Variants in AGO3 observed in about 807,000 individuals in gnomAD.
AGO3 encodes protein argonaute-3.
Under a neutral mutation model 105.5 loss-of-function variants are expected in AGO3, and 16 were observed. The ratio of observed to expected loss-of-function variants is 0.15; its 90% CI spans 0.10 to 0.23. AGO3 has a LOEUF of 0.23. AGO3 is among the 10% of genes least tolerant of loss of function. The pLI is 1.00. For missense variants in AGO3, 534 were observed against 1,088.0 expected, an observed-to-expected ratio of 0.49 and a Z score of 7.16; for synonymous variants, 340 against 367.3, an observed-to-expected ratio of 0.93 and a Z score of 0.85.
At chr1:36,029,968 C>T (rs1641692894) in intron 12 of AGO3, among the ~76,000 whole-genome samples, 1 of 151,998 alleles carries the variant, frequency 6.6e-6, no homozygotes, top group Non-Finnish European at 1.5e-5. Flanking sequence ...GCTGGGATTA[C>T]AGGCATGAGC....
intron 3 of AGO3, among the ~76,000 whole-genome samples, 158 bp from the exon 4 acceptor site, chr1:35,971,864 CTA>C (rs1398994439): frequency 4.0e-5 from 6 of 151,854 alleles, no homozygotes; most frequent in African/African-American, 1.4e-4. Context: ...GCACGAGTAA[CTA>C]TGTTATTTAA....
At position 36,026,361 on chromosome 1, in the gene AGO3, G is replaced by T. The variant is rs554150706; in HGVS notation, c.1407-753G>T. 1.4e-3 allele frequency among the ~76,000 whole-genome samples: 218 copies of T among 152,228 alleles called. 1 individual carries two copies. Among genetic ancestry groups the T allele is most frequent in the Non-Finnish European group, 2.2e-3 (151 of 68,010 alleles). ...GACCTCAAGTGATCCTCCTGCCTCA[G>T]CCTCCCAAATTGCTGGGATTATAGG... is the stretch of plus-strand genomic sequence containing the variant. On this transcript the variant is annotated intron_variant, in intron 11 of 18. Transcript: ENST00000373191.
intron 5 of AGO3, among the ~76,000 whole-genome samples, chr1:35,987,311 G>C (rs538563064): frequency 6.6e-6 from 1 of 151,016 alleles, no homozygotes; most frequent in Non-Finnish European, 1.5e-5. Flanking sequence ...CTGGGCGACA[G>C]AACAAGATTC....
intron 17 of AGO3, among the ~76,000 whole-genome samples, chr1:36,048,987 G>A (rs1359265772): frequency 2.0e-5 from 3 of 152,304 alleles, no homozygotes; most frequent in East Asian, 1.9e-4. Context: ...GATTACTGGC[G>A]TGAGCCACCA....
intron 16 of AGO3, among the ~76,000 whole-genome samples, chr1:36,041,502 A>G (rs149385024): frequency 1.3e-5 from 2 of 152,190 alleles, no homozygotes; most frequent in African/African-American, 4.8e-5. Flanking sequence ...CGGCCTGCCA[A>G]AGTGCTGGGA....
intron 5 of AGO3, among the ~76,000 whole-genome samples, chr1:35,984,064 G>A (rs569092389): frequency 2.0e-5 from 3 of 152,248 alleles, no homozygotes; most frequent in Non-Finnish European, 4.4e-5. Context: ...TAAAGCCGTC[G>A]AGGAATACTA....
chr1:36,034,976 G>C (rs1477472706), intron 13 of AGO3, among the ~76,000 whole-genome samples: 1 of 152,200 alleles, frequency 6.6e-6, no homozygotes, highest in Non-Finnish European at 1.5e-5. Flanking sequence ...AGTCACTGAG[G>C]AAGAGGTCAT....
chr1:35,943,558 C>T (rs915918600), intron 1 of AGO3, among the ~76,000 whole-genome samples: 1 of 151,460 alleles, frequency 6.6e-6, no homozygotes, highest in Non-Finnish European at 1.5e-5. Context: ...GCCTTGGCCT[C>T]CCAAAGTGCT....
At chr1:35,933,332 G>T (rs1477575123) in intron 1 of AGO3, among the ~76,000 whole-genome samples, 2 of 152,104 alleles carry the variant, frequency 1.3e-5, no homozygotes, top group Non-Finnish European at 2.9e-5. Flanking sequence ...AAGCATAGCT[G>T]TGCAACTAAA....
At chr1:36,042,416 T>A (rs1266005897) in intron 16 of AGO3, among the ~76,000 whole-genome samples, 1 of 152,186 alleles carries the variant, frequency 6.6e-6, no homozygotes, top group Admixed American at 6.5e-5. Context: ...ATTAGAAGAT[T>A]TACGTGTTGC....
intron 5 of AGO3, 63 bp downstream of exon 5, chr1:35,973,574 A>C: frequency 7.4e-7 from 1 of 1,349,784 alleles, no homozygotes; most frequent in East Asian, 2.7e-5. Flanking sequence ...TGTGTACATA[A>C]ATTTTATATA....
chr1:35,972,237 G>A lies in AGO3; in HGVS notation c.521+5G>A. 1.9e-6 allele frequency: 3 copies of A among 1,613,144 alleles called. No homozygotes were observed. Among genetic ancestry groups the A allele is most frequent in the Non-Finnish European group, 2.5e-6 (3 of 1,179,876 alleles). On this transcript the variant is annotated splice_donor_5th_base_variant and intron_variant, in intron 4 of 18. Coordinates refer to ENST00000373191, the MANE Select transcript of AGO3 (RefSeq NM_024852.4). ...ACGACATCTGCCCTCCATGAAGTGG[G>A]TGCTTCTGCTTTTTTTCTCTTTAGA...
Position 36,063,747 on chromosome 1 carries a change from A to G in AGO3, c.*8002A>G, listed in dbSNP as rs1342383038. On this transcript the variant is annotated 3_prime_UTR_variant, in exon 19 of 19. Coordinates refer to ENST00000373191, the MANE Select transcript of AGO3 (RefSeq NM_024852.4). ...GCATGATTATAGAATATTAAGTTCA[A>G]TTATATATAGACAGTCCAGTTTCCT... 2.0e-5 allele frequency: 3 copies of G among 152,234 alleles called. No individual in the cohort carries two copies. Among genetic ancestry groups the G allele is most frequent in the Non-Finnish European group, 4.4e-5 (3 of 68,042 alleles). 9.4% of individuals were successfully genotyped at this position (152,234 alleles called of 1,614,324 possible).
chr1:35,944,496 C>A (rs1162612132), intron 1 of AGO3, among the ~76,000 whole-genome samples: 1 of 150,114 alleles, frequency 6.7e-6, no homozygotes, highest in Non-Finnish European at 1.5e-5. Context: ...CCCTTTTCCT[C>A]CTTTTTAAAA....
chr1:35,947,761 G>C (rs550435167), intron 2 of AGO3, among the ~76,000 whole-genome samples: 1 of 152,090 alleles, frequency 6.6e-6, no homozygotes, highest in African/African-American at 2.4e-5. Flanking sequence ...TCTGTGAGCC[G>C]TCATCCACTT....
chr1:36,002,610 G>T (rs566706037), intron 5 of AGO3, among the ~76,000 whole-genome samples: 1 of 151,892 alleles, frequency 6.6e-6, no homozygotes, highest in African/African-American at 2.4e-5. Context: ...GGGATTACAG[G>T]TGTGAGCCAC....
intron 5 of AGO3, among the ~76,000 whole-genome samples, chr1:35,991,618 C>T (rs906526205): frequency 2.0e-5 from 3 of 150,450 alleles, no homozygotes; most frequent in Non-Finnish European, 3.0e-5. Context: ...GATAGTTTAG[C>T]TCTTTCTGTG....
At chr1:36,037,942 C>G (rs1642083673) in intron 14 of AGO3, among the ~76,000 whole-genome samples, 1 of 152,130 alleles carries the variant, frequency 6.6e-6, no homozygotes, top group Admixed American at 6.5e-5. Context: ...TCCGTTTCTA[C>G]CAAATACCCA....
intron 16 of AGO3, among the ~76,000 whole-genome samples, chr1:36,040,945 C>A (rs1174571643): frequency 2.0e-5 from 3 of 151,322 alleles, no homozygotes; most frequent in Non-Finnish European, 1.5e-5. Context: ...TGGTGGCGCA[C>A]ATCTGTAATC....
Sources: gnomAD v4.1 joint callset for allele counts (sites outside exome capture counted in the v4.1 genomes callset) on GRCh38, gnomAD v4.1.1 for gene constraint, MANE v1.5 for transcripts, NCBI Gene and HGNC (gene_info 2026-07-23, HGNC 2026-07-21) for gene names.